The following ZNF93 variants were observed in gnomAD, a reference collection of about 807,000 sequenced individuals.
ZNF93 encodes the protein zinc finger protein 93, also known as zinc finger protein 505.
ZNF93 carries 29 observed loss-of-function variants against 45.0 expected under a neutral mutation model. The observed-to-expected ratio is 0.64, with a 90% confidence interval of 0.48 to 0.88. The LOEUF is 0.88. Ranked by LOEUF, ZNF93 falls within the 40% of genes least tolerant of loss-of-function variation. ZNF93 has a pLI of 0.00. For missense variants in ZNF93, 578 were observed against 724.0 expected, an observed-to-expected ratio of 0.80 and a Z score of 2.31; for synonymous variants, 223 against 244.6, an observed-to-expected ratio of 0.91 and a Z score of 0.82.
At chr19:19,930,998 G>A (rs1192386702) in intron 3 of ZNF93, among the ~76,000 whole-genome samples, 1 of 151,598 alleles carries the variant, frequency 6.6e-6, no homozygotes, top group Non-Finnish European at 1.5e-5. Context: ...AATTGTGGTT[G>A]CTATTTTCAT....
At chr19:19,904,253 G>A (rs573868098) in intron 1 of ZNF93, among the ~76,000 whole-genome samples, 2 of 151,616 alleles carry the variant, frequency 1.3e-5, no homozygotes, top group South Asian at 2.1e-4. Context: ...CACAAAGGAC[G>A]GAGAATTGTA....
intron 1 of ZNF93, chr19:19,908,773 G>A (rs1305590790): frequency 6.7e-6 from 1 of 149,848 alleles, no homozygotes; most frequent in Non-Finnish European, 1.5e-5. Context: ...AACCCAGGAG[G>A]CGGAGGTTGC....
Position 19,933,780 on chromosome 19 carries a change from TAAG to T in ZNF93, c.828_830del (p.Lys277del). 6.2e-7 allele frequency: 1 copy of T among 1,612,830 alleles called. No individual in the cohort carries two copies. The highest frequency in any genetic ancestry group is 8.5e-7 in the Non-Finnish European group (1 of 1,179,210). ...ACCAATCCTCGACACTTACTAAACA[TAAG>T]AAAATTCATACTGGAGAGAAACCCT... On this transcript the variant is annotated inframe_deletion, in exon 4 of 4. Coordinates refer to ENST00000343769, the MANE Select transcript of ZNF93 (RefSeq NM_031218.4).
intron 3 of ZNF93, among the ~76,000 whole-genome samples, chr19:19,920,502 G>A (rs1355127392): frequency 3.3e-5 from 5 of 152,132 alleles, no homozygotes; most frequent in Non-Finnish European, 5.9e-5. Flanking sequence ...TCTATTGATT[G>A]GGATAGTTCC....
At chr19:19,904,059 GA>G (rs34703441) in intron 1 of ZNF93, among the ~76,000 whole-genome samples, 6,035 of 113,888 alleles carry the variant, frequency 0.053, 248 homozygotes, top group East Asian at 0.19. Context: ...ATTCTGGCTG[GA>G]AAAAAAAAAA....
intron 3 of ZNF93, among the ~76,000 whole-genome samples, chr19:19,929,114 A>G (rs370633594): frequency 4.6e-5 from 7 of 152,194 alleles, no homozygotes; most frequent in African/African-American, 1.4e-4. Context: ...CAATTCAAAT[A>G]AGAGCTGGTT....
intron 1 of ZNF93, among the ~76,000 whole-genome samples, chr19:19,903,287 A>AG (rs2063281670): frequency 6.6e-6 from 1 of 152,144 alleles, no homozygotes; most frequent in Non-Finnish European, 1.5e-5. Context: ...AGGGTGAAAA[A>AG]GTCAGATTTT....
chr19:19,917,737 A>G (rs1464231917), intron 3 of ZNF93, among the ~76,000 whole-genome samples: 1 of 152,114 alleles, frequency 6.6e-6, no homozygotes, highest in Non-Finnish European at 1.5e-5. Flanking sequence ...AGTGGTCTCA[A>G]ACTCCCAACC....
Position 19,934,873 on chromosome 19 carries a change from T to G in ZNF93, c.*55T>G. The G allele has an allele frequency of 1.2e-5, 18 of 1,527,082 alleles. No individual in the cohort carries two copies. The highest frequency in any genetic ancestry group is 1.6e-5 in the Non-Finnish European group (18 of 1,132,456). The allele number at this position is 1,527,082 out of a possible 1,614,324, so 94.6% of individuals were successfully genotyped here. A position where few individuals can be genotyped will look rare whatever the true frequency, so the allele number is the denominator to read the frequency against. ...GTGGTCCTCACACCTTACTATACACTGAGAGTTCTGAACTTACTCTGTAAC... is the reference window on the plus strand; with the variant it reads ...GTGGTCCTCACACCTTACTATACACGGAGAGTTCTGAACTTACTCTGTAAC... On this transcript the variant is annotated 3_prime_UTR_variant, in exon 4 of 4. Coordinates refer to ENST00000343769, the MANE Select transcript of ZNF93 (RefSeq NM_031218.4).
chr19:19,905,086 C>T (rs757730928), intron 1 of ZNF93, among the ~76,000 whole-genome samples: 2 of 152,146 alleles, frequency 1.3e-5, no homozygotes, highest in Non-Finnish European at 2.9e-5. Context: ...ACCACCTGTT[C>T]ATAATCTCAC....
At chr19:19,931,299 C>T (rs866714844) in intron 3 of ZNF93, among the ~76,000 whole-genome samples, 1 of 152,004 alleles carries the variant, frequency 6.6e-6, no homozygotes, top group Non-Finnish European at 1.5e-5. Context: ...AAGTGATTCT[C>T]CTGCCTCAGC....
rs1415424178 is a variant in ZNF93 at position 19,934,710 on chromosome 19, A to C, written c.1755A>C (p.Lys585Asn). Residue 585 changes from lysine (K) to asparagine (N), a missense_variant, in exon 4 of 4, where the codon AAA (lysine) becomes AAC (asparagine). Coordinates refer to ENST00000343769, the MANE Select transcript of ZNF93 (RefSeq NM_031218.4). The part of the protein sequence containing the change: ...NHSATLSSHK[K>N]IHSGEKPYEC... The stretch of plus-strand genomic sequence containing the variant: ...CTGCAACCCTTTCTTCACATAAGAA[A>C]ATCCATTCTGGAGAGAAACCATACG... The C allele has an allele frequency of 6.2e-7, 1 of 1,613,644 alleles. No individual in the cohort carries two copies. Among genetic ancestry groups the C allele is most frequent in the East Asian group, 2.2e-5 (1 of 44,872 alleles).
intron 1 of ZNF93, among the ~76,000 whole-genome samples, chr19:19,907,193 A>G (rs1032301059): frequency 6.6e-6 from 1 of 151,636 alleles, no homozygotes; most frequent in Non-Finnish European, 1.5e-5. Flanking sequence ...TGAAAAGTTT[A>G]TTTTTTCCAT....
At chr19:19,921,325 G>A (rs1221522488) in intron 3 of ZNF93, among the ~76,000 whole-genome samples, 1 of 152,142 alleles carries the variant, frequency 6.6e-6, no homozygotes, top group African/African-American at 2.4e-5. Context: ...TATAATTTCT[G>A]TTCTTTTACA....
chr19:19,919,192 C>T (rs1034124532), intron 3 of ZNF93, among the ~76,000 whole-genome samples: 6 of 152,186 alleles, frequency 3.9e-5, no homozygotes, highest in African/African-American at 1.4e-4. Context: ...TTTCCCAACA[C>T]CATTTGTTAA....
chr19:19,919,693 G>A (rs2063337257), intron 3 of ZNF93, among the ~76,000 whole-genome samples: 1 of 152,042 alleles, frequency 6.6e-6, no homozygotes, highest in Non-Finnish European at 1.5e-5. Context: ...GGATTCCTAG[G>A]TATTTTATTC....
chr19:19,933,330 G>A lies in ZNF93; in HGVS notation c.375G>A (p.Val125=). ...KRCESVDECK[V]HTGGYNGLNQ... ...GTGAAAGTGTAGATGAGTGTAAGGT[G>A]CACACAGGAGGTTATAATGGACTTA... Residue 125 remains valine, a synonymous_variant, in exon 4 of 4, where the codon GTG becomes GTA. Transcript: ENST00000343769. 1.2e-6 allele frequency: 2 copies of A among 1,611,672 alleles called. No homozygotes were observed. Among genetic ancestry groups the A allele is most frequent in the African/African-American group, 1.3e-5 (1 of 74,908 alleles).
intron 3 of ZNF93, among the ~76,000 whole-genome samples, chr19:19,927,890 T>C (rs1428153527): frequency 6.6e-6 from 1 of 152,094 alleles, no homozygotes; most frequent in Non-Finnish European, 1.5e-5. Context: ...TGGGATTACA[T>C]GTGCATGCCA....
At chr19:19,923,353 G>C (rs2063347020) in intron 3 of ZNF93, among the ~76,000 whole-genome samples, 1 of 152,126 alleles carries the variant, frequency 6.6e-6, no homozygotes, top group Non-Finnish European at 1.5e-5. Flanking sequence ...CTCCTACTTG[G>C]GGGTGCCTTC....
Sources: gnomAD v4.1 joint callset for allele counts (sites outside exome capture counted in the v4.1 genomes callset) on GRCh38, gnomAD v4.1.1 for gene constraint, MANE v1.5 for transcripts, NCBI Gene and HGNC (gene_info 2026-07-23, HGNC 2026-07-21) for gene names.